The following HS3ST4 variants were observed in gnomAD, a reference collection of about 807,000 sequenced individuals.
The protein encoded by HS3ST4 is heparan sulfate glucosamine 3-O-sulfotransferase 4.
A neutral mutation model predicts 29.2 loss-of-function variants in HS3ST4; 17 were observed. The ratio of observed to expected loss-of-function variants is 0.58; its 90% CI spans 0.40 to 0.87. The LOEUF is 0.87. Ranked by LOEUF, HS3ST4 falls within the 40% of genes least tolerant of loss-of-function variation. The pLI, the probability that HS3ST4 is intolerant of heterozygous loss-of-function variation, is 0.00. For synonymous variants in HS3ST4, 314 were observed against 285.7 expected, an observed-to-expected ratio of 1.10 and a Z score of -1.00; for missense variants, 627 against 634.5, an observed-to-expected ratio of 0.99 and a Z score of 0.13.
intron 1 of HS3ST4, among the ~76,000 whole-genome samples, chr16:25,919,936 C>G (rs1472904934): frequency 6.6e-6 from 1 of 151,424 alleles, no homozygotes; most frequent in African/African-American, 2.4e-5. Flanking sequence ...TTACAGGGGG[C>G]CAGAGAAAAA....
At chr16:25,884,858 A>T (rs1967933249) in intron 1 of HS3ST4, among the ~76,000 whole-genome samples, 1 of 152,182 alleles carries the variant, frequency 6.6e-6, no homozygotes, top group Non-Finnish European at 1.5e-5. Context: ...TACAGGCGTC[A>T]ACCACTGCGC....
chr16:25,910,529 G>A (rs1362486746), intron 1 of HS3ST4, among the ~76,000 whole-genome samples: 1 of 151,966 alleles, frequency 6.6e-6, no homozygotes, highest in Non-Finnish European at 1.5e-5. Flanking sequence ...TGTAATCCCA[G>A]CTACTTGGGA....
chr16:26,040,165 T>C (rs1969622704), intron 1 of HS3ST4, among the ~76,000 whole-genome samples: 1 of 152,238 alleles, frequency 6.6e-6, no homozygotes, highest in African/African-American at 2.4e-5. Flanking sequence ...TATTTTTTAT[T>C]TCTCTGATTA....
chr16:25,881,823 A>C (rs765719221), intron 1 of HS3ST4, among the ~76,000 whole-genome samples: 22 of 152,208 alleles, frequency 1.4e-4, no homozygotes, highest in Non-Finnish European at 8.8e-5. Flanking sequence ...GGTGACCCAC[A>C]GGGGTTTCTC....
At chr16:25,919,636 G>T (rs1030575717) in intron 1 of HS3ST4, among the ~76,000 whole-genome samples, 1 of 152,154 alleles carries the variant, frequency 6.6e-6, no homozygotes. Flanking sequence ...AAAATAGCAG[G>T]GGGAGTAGGA....
chr16:25,882,929 G>T (rs1317310007), intron 1 of HS3ST4, among the ~76,000 whole-genome samples: 1 of 152,150 alleles, frequency 6.6e-6, no homozygotes, highest in African/African-American at 2.4e-5. Flanking sequence ...TGTCATTCCT[G>T]TTCTACTGCT....
intron 1 of HS3ST4, among the ~76,000 whole-genome samples, chr16:25,763,441 G>C (rs1039032642): frequency 2.0e-5 from 3 of 152,176 alleles, no homozygotes; most frequent in Non-Finnish European, 2.9e-5. Context: ...GGGGAGTGCA[G>C]GTTAGACGTT....
chr16:26,135,811 G>C lies in HS3ST4; in HGVS notation c.934G>C (p.Glu312Gln). 6.2e-7 allele frequency: 1 copy of C among 1,614,068 alleles called. No individual in the cohort carries two copies. Among genetic ancestry groups the C allele is most frequent in the Non-Finnish European group, 8.5e-7 (1 of 1,179,936 alleles). ...LSKKPEIPTF[E>Q]VLAFKNRTLG... ...AAAGAAACCCGAGATCCCCACCTTT[G>C]AGGTGCTGGCCTTCAAAAACCGGAC... Residue 312 changes from glutamate to glutamine, a missense_variant, in exon 2 of 2, where the codon GAG becomes CAG. Transcript: ENST00000331351.
chr16:25,784,594 T>G (rs1216782888), intron 1 of HS3ST4, among the ~76,000 whole-genome samples: 1 of 152,222 alleles, frequency 6.6e-6, no homozygotes, highest in East Asian at 1.9e-4. Context: ...AGTCAAAGTC[T>G]AATCTAGAGT....
intron 1 of HS3ST4, among the ~76,000 whole-genome samples, chr16:25,998,344 GT>G (rs1396042036): frequency 5.9e-5 from 9 of 152,152 alleles, no homozygotes; most frequent in African/African-American, 2.2e-4. Context: ...GGATACGGTA[GT>G]GCAGAGAGAG....
chr16:26,036,154 G>A (rs188638336), intron 1 of HS3ST4, among the ~76,000 whole-genome samples: 6 of 152,336 alleles, frequency 3.9e-5, no homozygotes, highest in Non-Finnish European at 8.8e-5. Flanking sequence ...TTATAGAAAA[G>A]CTACAACTAA....
At chr16:25,711,301 C>T (rs1193944816) in intron 1 of HS3ST4, among the ~76,000 whole-genome samples, 2 of 152,070 alleles carry the variant, frequency 1.3e-5, no homozygotes, top group African/African-American at 4.8e-5. Flanking sequence ...CATGACTTAG[C>T]TACCCCTTCC....
chr16:25,929,867 A>C (rs528537325), intron 1 of HS3ST4, among the ~76,000 whole-genome samples: 1 of 152,192 alleles, frequency 6.6e-6, no homozygotes, highest in African/African-American at 2.4e-5. Flanking sequence ...AACTTGCGTC[A>C]TGGGCTTTTG....
At chr16:25,752,174 G>A (rs1336682525) in intron 1 of HS3ST4, among the ~76,000 whole-genome samples, 3 of 152,058 alleles carry the variant, frequency 2.0e-5, no homozygotes, top group African/African-American at 7.2e-5. Context: ...CAGACTCTGG[G>A]GTCACAGTCA....
At chr16:25,939,894 C>G (rs929804523) in intron 1 of HS3ST4, among the ~76,000 whole-genome samples, 4 of 152,222 alleles carry the variant, frequency 2.6e-5, no homozygotes, top group Admixed American at 1.3e-4. Flanking sequence ...GCTTTGCTGC[C>G]TGGCTCTCCC....
chr16:25,999,897 TTATA>T (rs1555477423), intron 1 of HS3ST4, among the ~76,000 whole-genome samples: 4 of 131,858 alleles, frequency 3.0e-5, no homozygotes, highest in Non-Finnish European at 4.7e-5. Flanking sequence ...TATATATATT[TTATA>T]TATATATATA....
intron 1 of HS3ST4, among the ~76,000 whole-genome samples, chr16:25,828,718 A>G (rs551418519): frequency 6.6e-5 from 10 of 152,106 alleles, no homozygotes; most frequent in Non-Finnish European, 1.3e-4. Flanking sequence ...ATGTGCAAAC[A>G]TACTTGAGGT....
chr16:25,887,843 G>A lies in HS3ST4; in HGVS notation c.734+194692G>A, dbSNP rs753559477. Among the ~76,000 whole-genome samples the A allele has an allele frequency of 5.9e-4, 90 of 151,678 alleles. 1 individual carries two copies. The highest frequency in any genetic ancestry group is 5.0e-3 in the East Asian group (26 of 5,150). ...CTCCAGAGTAGCTGGGACTACAGGC[G>A]CCCACCACCACGCCCAGCTAGTTTT... is the stretch of plus-strand genomic sequence containing the variant. On this transcript the variant is annotated intron_variant, in intron 1 of 1. Transcript: ENST00000331351.
rs542505990 is a variant in HS3ST4 at position 25,874,921 on chromosome 16, G to C, written c.734+181770G>C. ...TGCTTCAATTTACTTATCTGTACAT[G>C]GGATTAATAATAGTGCCTACCTCTT... is the stretch of plus-strand genomic sequence containing the variant. On this transcript the variant is annotated intron_variant, in intron 1 of 1. Transcript: ENST00000331351. Among the ~76,000 whole-genome samples the C allele has an allele frequency of 5.5e-3, 835 of 152,210 alleles. 3 individuals are homozygous for C. Among genetic ancestry groups the C allele is most frequent in the South Asian group, 0.011 (51 of 4,822 alleles).
Sources: gnomAD v4.1 joint callset for allele counts (sites outside exome capture counted in the v4.1 genomes callset) on GRCh38, gnomAD v4.1.1 for gene constraint, MANE v1.5 for transcripts, NCBI Gene and HGNC (gene_info 2026-07-23, HGNC 2026-07-21) for gene names.